GLI3: variants seen among roughly 807,000 people sequenced by gnomAD.
GLI3 encodes the protein GLI family zinc finger 3.
A neutral mutation model predicts 100.8 loss-of-function variants in GLI3; 20 were observed. The ratio of observed to expected loss-of-function variants is 0.20; its 90% CI spans 0.14 to 0.29. The LOEUF (loss-of-function observed/expected upper bound fraction) is 0.29, where lower values mean the gene tolerates loss of function less well. GLI3 is among the 10% of genes least tolerant of loss of function. GLI3 has a pLI of 1.00. For synonymous variants in GLI3, 938 were observed against 860.5 expected, an observed-to-expected ratio of 1.09 and a Z score of -1.58; for missense variants, 2,040 against 2,128.5, an observed-to-expected ratio of 0.96 and a Z score of 0.82.
chr7:42,140,574 C>T (rs1442692501), intron 3 of GLI3, among the ~76,000 whole-genome samples: 3 of 152,184 alleles, frequency 2.0e-5, no homozygotes, highest in African/African-American at 4.8e-5. Context: ...CTTTTCAAAG[C>T]GTACAACAAG....
chr7:42,077,959 T>C (rs1784915272), intron 3 of GLI3, among the ~76,000 whole-genome samples: 2 of 152,214 alleles, frequency 1.3e-5, no homozygotes, highest in South Asian at 4.1e-4. Flanking sequence ...GCTGGGAGCC[T>C]GCCTAGAGCC....
intron 3 of GLI3, among the ~76,000 whole-genome samples, chr7:42,129,734 C>G (rs1027011108): frequency 6.6e-6 from 1 of 152,176 alleles, no homozygotes; most frequent in South Asian, 2.1e-4. Context: ...TGCTTGAACC[C>G]GGGAGGCGGA....
At chr7:42,159,050 C>T (rs1466313443) in intron 2 of GLI3, among the ~76,000 whole-genome samples, 1 of 152,108 alleles carries the variant, frequency 6.6e-6, no homozygotes, top group Non-Finnish European at 1.5e-5. Context: ...GCTAAATTAT[C>T]TTCTTGTCAC....
intron 2 of GLI3, among the ~76,000 whole-genome samples, chr7:42,220,245 A>G (rs1367483074): frequency 6.6e-6 from 1 of 152,362 alleles, no homozygotes; most frequent in East Asian, 1.9e-4. Flanking sequence ...AAACAGTAGC[A>G]ATCAAACTAC....
chr7:42,043,232 A>G (rs560328077), intron 6 of GLI3, among the ~76,000 whole-genome samples: 1 of 152,342 alleles, frequency 6.6e-6, no homozygotes, highest in African/African-American at 2.4e-5. Flanking sequence ...CAATCTTCTT[A>G]TATTCTAACT....
At chr7:42,210,571 T>A (rs377669010) in intron 2 of GLI3, among the ~76,000 whole-genome samples, 3 of 152,252 alleles carry the variant, frequency 2.0e-5, no homozygotes, top group Middle Eastern at 3.4e-3. Context: ...GCTAATATTA[T>A]CACTTCTTTA....
chr7:42,223,350 ACTTTC>A, intron 1 of GLI3, 55 bp from the exon 2 acceptor site: 5 of 1,005,630 alleles, frequency 5.0e-6, no homozygotes, highest in Non-Finnish European at 7.5e-6. Context: ...AAAAAAAAAA[ACTTTC>A]AAAAGTCCAC....
In GLI3 at chr7:41,964,808, T is replaced by C. The variant is rs1168659800; in HGVS notation, c.4265A>G (p.Lys1422Arg). Residue 1422 changes from lysine (K) to arginine (R), a missense_variant, in exon 15 of 15, where the codon AAG becomes AGG. Physicochemically the swap from Lys to Arg is conservative, Grantham distance 26. Coordinates refer to ENST00000395925, the MANE Select transcript of GLI3 (RefSeq NM_000168.6). Reference protein sequence around the residue: ...TSQTCRVNGIKMEMKGQPHPL... With the variant: ...TSQTCRVNGIRMEMKGQPHPL... ...ATGGGGCTGCCCTTTCATCTCCATC[T>C]TGATACCATTCACCCTGCAGGTCTG... 1.9e-6 allele frequency: 3 copies of C among 1,614,022 alleles called. No individual in the cohort carries two copies. The highest frequency in any genetic ancestry group is 3.3e-5 in the Admixed American group (2 of 60,034).
At chr7:42,153,606 G>A (rs1292842324) in intron 2 of GLI3, among the ~76,000 whole-genome samples, 3 of 151,996 alleles carry the variant, frequency 2.0e-5, no homozygotes, top group African/African-American at 2.4e-5. Flanking sequence ...GGGAAAGACC[G>A]GAGGATACTC....
chr7:42,095,508 C>T (rs981958672), intron 3 of GLI3, among the ~76,000 whole-genome samples: 2 of 152,054 alleles, frequency 1.3e-5, no homozygotes, highest in Non-Finnish European at 2.9e-5. Flanking sequence ...AAAACCAAGG[C>T]AGGGCAGTGG....
chr7:42,038,550 A>G (rs1020852456), intron 7 of GLI3, among the ~76,000 whole-genome samples: 3 of 152,208 alleles, frequency 2.0e-5, no homozygotes, highest in Non-Finnish European at 4.4e-5. Flanking sequence ...TCTAAAGCCT[A>G]TATTTGTAAC....
At chr7:42,242,096 G>T (rs971636373), upstream of GLI3, among the ~76,000 whole-genome samples, 4 of 152,062 alleles carry the variant, frequency 2.6e-5, no homozygotes, top group African/African-American at 9.7e-5. Flanking sequence ...TCCCTCTGAG[G>T]CCTCTCCACT....
chr7:41,961,955 G>A lies in GLI3; in HGVS notation c.*2375C>T, dbSNP rs529520994. 1 of 151,374 alleles carries A rather than the reference G, an allele frequency of 6.6e-6. No homozygotes were observed. Among genetic ancestry groups the A allele is most frequent in the Admixed American group, 6.6e-5 (1 of 15,200 alleles). 9.4% of individuals were successfully genotyped at this position (151,374 alleles called of 1,614,324 possible). ...ATCTCCTGCAAATCTAAAAGCAGTA[G>A]AAAGGAAAGCAAATATAAAAAAAAA... On this transcript the variant is annotated 3_prime_UTR_variant, in exon 15 of 15. Coordinates refer to ENST00000395925, the MANE Select transcript of GLI3 (RefSeq NM_000168.6).
intron 6 of GLI3, among the ~76,000 whole-genome samples, chr7:42,041,900 C>T (rs1449646917): frequency 6.6e-6 from 1 of 152,152 alleles, no homozygotes; most frequent in Non-Finnish European, 1.5e-5. Flanking sequence ...AATGTGGTAC[C>T]TACTCAAATT....
chr7:42,054,009 G>A (rs1277496461), intron 4 of GLI3, among the ~76,000 whole-genome samples: 1 of 152,134 alleles, frequency 6.6e-6, no homozygotes, highest in Non-Finnish European at 1.5e-5. Context: ...TGTCCTCTCA[G>A]GGATAAGGCC....
chr7:41,980,036 A>C (rs1452157383), intron 10 of GLI3, among the ~76,000 whole-genome samples: 1 of 152,246 alleles, frequency 6.6e-6, no homozygotes, highest in East Asian at 1.9e-4. Context: ...TCTGGAGTTT[A>C]AAACTGGGTG....
intron 1 of GLI3, among the ~76,000 whole-genome samples, chr7:42,252,636 G>A (rs990186099): frequency 4.6e-5 from 7 of 152,048 alleles, no homozygotes; most frequent in African/African-American, 1.4e-4. Context: ...AGAAAGCTAC[G>A]TTTTCTTTAT....
intron 4 of GLI3, among the ~76,000 whole-genome samples, chr7:42,070,360 A>G (rs2128750043): frequency 6.6e-6 from 1 of 152,340 alleles, no homozygotes; most frequent in East Asian, 1.9e-4. Flanking sequence ...AGCCAGTAAC[A>G]CTGAAAACTT....
rs1023764581 is a variant in GLI3 at position 42,140,022 on chromosome 7, T to G, written c.367+8204A>C. Among the ~76,000 whole-genome samples the G allele has an allele frequency of 5.3e-5, 8 of 152,216 alleles. No homozygotes were observed. The South Asian group carries it at 1.7e-3, about 32-fold the overall frequency. The stretch of plus-strand genomic sequence containing the variant: ...GTCTTTGCCACTTCCCTCCTGAAAT[T>G]CACCCTCCAACCACAAAGATTCTTC... On this transcript the variant is annotated intron_variant, in intron 3 of 14. Coordinates refer to ENST00000395925, the MANE Select transcript of GLI3 (RefSeq NM_000168.6).
Sources: allele counts gnomAD v4.1 joint callset (sites outside exome capture counted in the v4.1 genomes callset), GRCh38; gene constraint gnomAD v4.1.1; transcripts MANE v1.5; gene names NCBI Gene and HGNC (gene_info 2026-07-23, HGNC 2026-07-21).